The following ZNF157 variants were observed in gnomAD, a reference collection of about 807,000 sequenced individuals.
ZNF157 encodes the protein zinc finger protein 22.
ZNF157 carries 8 observed loss-of-function variants against 9.4 expected under a neutral mutation model. That is an observed-to-expected ratio of 0.85 (90% CI 0.50 to 1.53). The LOEUF (loss-of-function observed/expected upper bound fraction) is 1.53, where lower values mean the gene tolerates loss of function less well. Ranked by LOEUF, ZNF157 falls within the 40% of genes most tolerant of loss-of-function variation. The pLI, the probability that ZNF157 is intolerant of heterozygous loss-of-function variation, is 0.00. For missense variants in ZNF157, 316 were observed against 385.2 expected (o/e 0.82, Z 1.50); for synonymous variants, 120 against 130.8 (o/e 0.92, Z 0.56).
At chrX:47,373,127 A>T (rs943985225) in intron 1 of ZNF157, among the ~76,000 whole-genome samples, 1 of 110,116 alleles carries the variant, frequency 9.1e-6, no homozygotes, top group Non-Finnish European at 1.9e-5. Flanking sequence ...TGAACCTGTG[A>T]GGCGGAGGTT....
intron 1 of ZNF157, among the ~76,000 whole-genome samples, chrX:47,372,260 A>T (rs1298311294): frequency 1.8e-5 from 2 of 109,484 alleles, no homozygotes; most frequent in Non-Finnish European, 1.9e-5. Flanking sequence ...CTGGGAGGGG[A>T]GAGGGTGCTG....
chrX:47,410,282 G>A lies in ZNF157; in HGVS notation c.79G>A (p.Val27Met), dbSNP rs750745934. The change falls in exon 2 of 4, where the codon GTG becomes ATG. Residue 27 changes from valine (V) to methionine (M), a missense_variant. By Grantham distance (21) the Val-to-Met change is conservative. This residue lies in a region of ZNF157 where 146 missense variants were observed against 183.8 expected (regional missense o/e 0.79). Transcript: ENST00000377073. ...GEPGRSFEGSVSFEDVAVDFT... is the reference protein window; with the variant it reads ...GEPGRSFEGSMSFEDVAVDFT... The stretch of plus-strand genomic sequence containing the variant: ...TTGGAGATTGTTATTACAGGGGTCC[G>A]TGTCATTCGAGGATGTGGCTGTGGA... 165 of 1,209,106 alleles carry A rather than the reference G, an allele frequency of 1.4e-4. No individual in the cohort carries two copies. The highest frequency in any genetic ancestry group is 2.3e-4 in the South Asian group (13 of 56,778).
At chrX:47,372,979 C>T (rs774734060) in intron 1 of ZNF157, among the ~76,000 whole-genome samples, 78 of 108,494 alleles carry the variant, frequency 7.2e-4, no homozygotes, top group African/African-American at 2.4e-3. Context: ...GTGGGAGGAT[C>T]GCTTGAGGTC....
At position 47,370,681 on chromosome X, in the gene ZNF157, G is replaced by A; in HGVS notation, c.13G>A (p.Gly5Arg). ...GCCCAGGGTGAACATGCCAGCTAATGGGACATCACCCCAGAGATTCCCTGC... is the reference window on the plus strand; with the variant it reads ...GCCCAGGGTGAACATGCCAGCTAATAGGACATCACCCCAGAGATTCCCTGC... Reference protein sequence around the residue: MPANGTSPQRFPALI... With the variant: MPANRTSPQRFPALI... Residue 5 changes from glycine to arginine, a missense_variant, in exon 1 of 4, where the codon GGG (glycine) becomes AGG (arginine). Physicochemically the swap from Gly to Arg is moderately radical, Grantham distance 125. This residue lies in a region of ZNF157 where 146 missense variants were observed against 183.8 expected (regional missense o/e 0.79). Transcript: ENST00000377073. The A allele has an allele frequency of 8.3e-7, 1 of 1,205,881 alleles. No homozygotes were observed. The highest frequency in any genetic ancestry group is 1.1e-6 in the Non-Finnish European group (1 of 892,473).
At position 47,412,711 on chromosome X, in the gene ZNF157, CA is replaced by C. The variant is rs1167392533; in HGVS notation, c.639del (p.Glu215ArgfsTer71). ...SYLIAHQKTH[T>X]GERPFECNEC... is the part of the protein sequence containing the mutation. ...CTCATTGCTCATCAGAAAACTCACA[CA>C]GGGGAGAGGCCCTTTGAATGTAATG... On this transcript the variant is annotated frameshift_variant, in exon 4 of 4. Coordinates refer to ENST00000377073, the MANE Select transcript of ZNF157 (RefSeq NM_003446.4). LOFTEE classifies it low-confidence loss of function (END_TRUNC). The C allele has an allele frequency of 8.3e-7, 1 of 1,210,061 alleles. No homozygotes were observed. The highest frequency in any genetic ancestry group is 1.7e-5 in the African/African-American group (1 of 57,239).
At chrX:47,387,944 C>A (rs2055885070) in intron 1 of ZNF157, among the ~76,000 whole-genome samples, 1 of 101,716 alleles carries the variant, frequency 9.8e-6, no homozygotes, top group South Asian at 4.7e-4. Flanking sequence ...ATCAATAATT[C>A]ATTTATAGTG....
intron 1 of ZNF157, among the ~76,000 whole-genome samples, chrX:47,385,200 A>AGGT (rs1320691421): frequency 8.9e-6 from 1 of 112,301 alleles, no homozygotes; most frequent in Non-Finnish European, 1.9e-5. Context: ...TCAGTTGAGA[A>AGGT]GGTTCCTTCT....
intron 1 of ZNF157, among the ~76,000 whole-genome samples, chrX:47,384,749 G>A (rs1218761904): frequency 8.9e-6 from 1 of 112,451 alleles, no homozygotes; most frequent in African/African-American, 3.2e-5. Context: ...AGAATTTCCA[G>A]TTGAGCTTGG....
intron 1 of ZNF157, among the ~76,000 whole-genome samples, chrX:47,399,045 G>A (rs1410380019): frequency 6.3e-5 from 7 of 111,568 alleles, no homozygotes; most frequent in South Asian, 3.7e-4. Context: ...CAGGTAATCC[G>A]CCCGCCTTGG....
chrX:47,412,815 T>G lies in ZNF157; in HGVS notation c.742T>G (p.Cys248Gly), dbSNP rs982098509. Residue 248 changes from cysteine (C) to glycine (G), a missense_variant, in exon 4 of 4, where the codon TGT (cysteine) becomes GGT (glycine). Cys to Gly is a radical substitution (Grantham distance 159, BLOSUM62 -3). This residue lies in a region of ZNF157 where 146 missense variants were observed against 183.8 expected (regional missense o/e 0.79). Transcript: ENST00000377073. Reference sequence around the variant, plus strand: ...ACACACTGGAGAGAGACCCTATGAATGTACTGAATGTGGGAAAACCTTTTC... The same window carrying G: ...ACACACTGGAGAGAGACCCTATGAAGGTACTGAATGTGGGAAAACCTTTTC... ...RTHTGERPYE[C>G]TECGKTFSEK... 1 of 1,211,631 alleles carries G rather than the reference T, an allele frequency of 8.3e-7. No homozygotes were observed.
chrX:47,410,260 G>T lies in ZNF157; in HGVS notation c.73-16G>T. On this transcript the variant is annotated splice_polypyrimidine_tract_variant and intron_variant, in intron 1 of 3. Coordinates refer to ENST00000377073, the MANE Select transcript of ZNF157 (RefSeq NM_003446.4). ...TTCATGCATCCCATTCTGATCATTG[G>T]AGATTGTTATTACAGGGGTCCGTGT... 1 of 1,211,118 alleles carries T rather than the reference G, an allele frequency of 8.3e-7. No homozygotes were observed. The highest frequency in any genetic ancestry group is 3.0e-5 in the East Asian group (1 of 33,809).
intron 1 of ZNF157, among the ~76,000 whole-genome samples, chrX:47,376,800 G>A (rs1438185879): frequency 9.0e-6 from 1 of 111,153 alleles, no homozygotes; most frequent in African/African-American, 3.3e-5. Context: ...TCAAACCTCC[G>A]AGCTGTCCTT....
chrX:47,384,281 G>T (rs1023107452), intron 1 of ZNF157, among the ~76,000 whole-genome samples: 1 of 111,313 alleles, frequency 9.0e-6, no homozygotes, highest in Non-Finnish European at 1.9e-5. Context: ...AAAATAAACA[G>T]GTTTTAGCTG....
chrX:47,405,197 G>A (rs923504015), intron 1 of ZNF157, among the ~76,000 whole-genome samples: 6 of 110,784 alleles, frequency 5.4e-5, no homozygotes, highest in African/African-American at 2.0e-4. Flanking sequence ...AGACCAGCCT[G>A]GCCAACATGG....
chrX:47,372,494 CT>C (rs35123428), intron 1 of ZNF157, among the ~76,000 whole-genome samples: 18,627 of 85,363 alleles, frequency 0.22, 1,696 homozygotes, highest in Middle Eastern at 0.39. Context: ...TATTTGTATT[CT>C]TTTTTTTTTT....
intron 1 of ZNF157, among the ~76,000 whole-genome samples, chrX:47,389,397 T>C (rs1434324155): frequency 9.4e-6 from 1 of 106,636 alleles, no homozygotes; most frequent in African/African-American, 3.4e-5. Context: ...CTGGTCAGGC[T>C]CAAGTGCAGT....
intron 1 of ZNF157, among the ~76,000 whole-genome samples, chrX:47,393,740 G>T (rs68099815): frequency 5.8e-5 from 1 of 17,297 alleles, no homozygotes; most frequent in Non-Finnish European, 9.5e-5. Flanking sequence ...ACCCTCCCCC[G>T]CCCTTTTTTT....
At chrX:47,381,381 C>T (rs1170971900) in intron 1 of ZNF157, among the ~76,000 whole-genome samples, 5 of 111,775 alleles carry the variant, frequency 4.5e-5, no homozygotes, top group Non-Finnish European at 7.5e-5. Context: ...TCTAACATTT[C>T]TGTCAATAAA....
chrX:47,413,714 G>T lies in ZNF157; in HGVS notation c.*120G>T. 9.6e-7 allele frequency: 1 copy of T among 1,045,139 alleles called. No individual in the cohort carries two copies. The highest frequency in any genetic ancestry group is 1.3e-6 in the Non-Finnish European group (1 of 795,022). The allele number at this position is 1,045,139 out of a possible 1,213,427, so 86.1% of individuals were successfully genotyped here. A position where few individuals can be genotyped will look rare whatever the true frequency, so the allele number is the denominator to read the frequency against. ...AAAGTATGTCCTGATCCCCTTAGGG[G>T]ATAGCTCATTGTTTTTATTCAGATT... On this transcript the variant is annotated 3_prime_UTR_variant, in exon 4 of 4. Transcript: ENST00000377073.
Sources: gnomAD v4.1 joint callset for allele counts (sites outside exome capture counted in the v4.1 genomes callset) on GRCh38, gnomAD v4.1.1 for gene constraint, gnomAD v4.1.1 regional missense constraint, MANE v1.5 for transcripts, NCBI Gene and HGNC (gene_info 2026-07-23, HGNC 2026-07-21) for gene names.